Variants in LAMA2 observed in about 807,000 individuals in gnomAD.
LAMA2 encodes the protein laminin subunit alpha 2, also known as laminin subunit alpha-2.
In LAMA2, 269 loss-of-function variants were observed where a neutral mutation model predicts 364.8. The ratio of observed to expected loss-of-function variants is 0.74; its 90% CI spans 0.67 to 0.82. The LOEUF (loss-of-function observed/expected upper bound fraction) is 0.82. Among genes scored for constraint, LAMA2 ranks in the 40% least tolerant of loss-of-function variants. LAMA2 has a pLI of 0.00. For synonymous variants in LAMA2, 1,379 were observed against 1,370.6 expected (o/e 1.01, Z -0.14); for missense variants, 3,807 against 3,873.2 (o/e 0.98, Z 0.45).
chr6:129,413,064 C>T (rs1256588654), intron 40 of LAMA2, among the ~76,000 whole-genome samples: 2 of 152,160 alleles, frequency 1.3e-5, no homozygotes, highest in African/African-American at 2.4e-5. Flanking sequence ...ATGACTTACA[C>T]AAATACTGCA....
rs1386899012 is a variant in LAMA2, at chr6:129,157,684, G to A, written c.1206+3001G>A. 7 of 1,611,782 alleles carry A rather than the reference G, an allele frequency of 4.3e-6. No homozygotes were observed. In the South Asian group the frequency reaches 4.4e-5, roughly 10 times the overall value. On this transcript the variant is annotated intron_variant, in intron 8 of 64. Coordinates refer to ENST00000421865, the MANE Select transcript of LAMA2 (RefSeq NM_000426.4). ...TTCCACCGATTAGACACAATTGGCC[G>A]CAAACGTTTGACACACACAACCTCA...
At chr6:129,023,349 C>T (rs1001556255) in intron 1 of LAMA2, among the ~76,000 whole-genome samples, 9 of 152,130 alleles carry the variant, frequency 5.9e-5, no homozygotes, top group Non-Finnish European at 2.9e-5. Flanking sequence ...TGTAGGTAAC[C>T]TTTATAGATT....
intron 1 of LAMA2, among the ~76,000 whole-genome samples, chr6:128,901,163 A>G (rs1777060913): frequency 6.6e-6 from 1 of 152,192 alleles, no homozygotes; most frequent in Non-Finnish European, 1.5e-5. Context: ...TCTAGGAACA[A>G]TAAAAAATTC....
chr6:129,096,905 T>G (rs1011069810), intron 3 of LAMA2, among the ~76,000 whole-genome samples: 9 of 152,184 alleles, frequency 5.9e-5, no homozygotes, highest in Non-Finnish European at 2.9e-5. Context: ...CCATACCAAA[T>G]TTTTATATTT....
chr6:129,474,992 G>A (rs1331719885), intron 52 of LAMA2, among the ~76,000 whole-genome samples: 1 of 152,114 alleles, frequency 6.6e-6, no homozygotes, highest in African/African-American at 2.4e-5. Flanking sequence ...AAAAGATGTG[G>A]TAAACATAAA....
intron 32 of LAMA2, among the ~76,000 whole-genome samples, chr6:129,358,357 AG>A (rs1777272926): frequency 6.6e-6 from 1 of 152,028 alleles, no homozygotes; most frequent in African/African-American, 2.4e-5. Flanking sequence ...ATTATCGTAT[AG>A]AGACAGCTGA....
chr6:128,933,758 T>A (rs1779639473), intron 1 of LAMA2, among the ~76,000 whole-genome samples: 1 of 152,194 alleles, frequency 6.6e-6, no homozygotes, highest in African/African-American at 2.4e-5. Context: ...TATGTTTAGG[T>A]CCTTTGTCCA....
intron 14 of LAMA2, among the ~76,000 whole-genome samples, chr6:129,255,178 C>T (rs1327346932): frequency 6.6e-6 from 1 of 151,786 alleles, no homozygotes; most frequent in Non-Finnish European, 1.5e-5. Flanking sequence ...GAGGCTGAGG[C>T]AGGCAGATCA....
intron 63 of LAMA2, among the ~76,000 whole-genome samples, chr6:129,512,757 C>A (rs1786704106): frequency 6.6e-6 from 1 of 152,158 alleles, no homozygotes; most frequent in Non-Finnish European, 1.5e-5. Context: ...AGTTTGAGAT[C>A]TCGAGTTCTT....
chr6:129,383,080 T>C, intron 34 of LAMA2, 42 bp from the exon 35 acceptor site: 1 of 1,509,744 alleles, frequency 6.6e-7, no homozygotes, highest in South Asian at 1.1e-5. Flanking sequence ...TGTAGCTTCA[T>C]CATCTCTATT....
intron 1 of LAMA2, among the ~76,000 whole-genome samples, chr6:128,950,338 G>A (rs905435438): frequency 6.6e-6 from 1 of 152,118 alleles, no homozygotes; most frequent in Non-Finnish European, 1.5e-5. Flanking sequence ...TTCAAGAAAA[G>A]TGAGTAGTCT....
At chr6:129,178,265 C>A (rs1780731440) in intron 10 of LAMA2, among the ~76,000 whole-genome samples, 1 of 152,078 alleles carries the variant, frequency 6.6e-6, no homozygotes, top group South Asian at 2.1e-4. Flanking sequence ...AAATAATCTT[C>A]TAAAGTTTGA....
intron 18 of LAMA2, among the ~76,000 whole-genome samples, chr6:129,282,015 A>G (rs1285745496): frequency 6.6e-6 from 1 of 152,192 alleles, no homozygotes; most frequent in Admixed American, 6.6e-5. Flanking sequence ...AGGAGGAGAT[A>G]CTGGTTGCAT....
chr6:129,133,517 G>A (rs1777608684), intron 4 of LAMA2, among the ~76,000 whole-genome samples: 1 of 152,150 alleles, frequency 6.6e-6, no homozygotes, highest in Non-Finnish European at 1.5e-5. Context: ...GGTGAGAATA[G>A]GGAGTTGGTA....
intron 49 of LAMA2, among the ~76,000 whole-genome samples, chr6:129,462,716 A>G (rs1392003090): frequency 6.6e-6 from 1 of 151,894 alleles, no homozygotes; most frequent in Non-Finnish European, 1.5e-5. Flanking sequence ...GTTATTTGTA[A>G]GAATAATTTT....
chr6:129,478,644 C>CCAT (rs1395339456), intron 53 of LAMA2, 49 bp from the exon 54 acceptor site: 23 of 1,602,440 alleles, frequency 1.4e-5, no homozygotes. Context: ...GACTACACTA[C>CCAT]CATCACCCTA....
At chr6:129,313,130 C>G (rs1192004581) in intron 23 of LAMA2, 33 bp downstream of exon 23, 1 of 1,347,252 alleles carries the variant, frequency 7.4e-7, no homozygotes, top group Non-Finnish European at 1.0e-6. Flanking sequence ...TAGGGAAAAC[C>G]TCCCTCAATT....
intron 29 of LAMA2, among the ~76,000 whole-genome samples, chr6:129,332,882 CATT>C (rs1775736507): frequency 1.0e-5 from 1 of 98,870 alleles, no homozygotes; most frequent in African/African-American, 3.6e-5. Context: ...TTAAGTTTAC[CATT>C]TTTTTTTTTT....
rs142592395 is a variant in LAMA2, at chr6:129,312,361, C to G, written c.3175-500C>G. Among the ~76,000 whole-genome samples the G allele has an allele frequency of 3.2e-4, 48 of 152,290 alleles. No homozygotes were observed. In the East Asian group the frequency reaches 9.1e-3, roughly 29 times the overall value. On this transcript the variant is annotated intron_variant, in intron 22 of 64. Transcript: ENST00000421865. The stretch of plus-strand genomic sequence containing the variant: ...TCTCCTTGGATTCCCCAAGTCTAGT[C>G]TGATGCCCTTTGTATGTTCACATAG...
Sources: allele counts gnomAD v4.1 joint callset (sites outside exome capture counted in the v4.1 genomes callset), GRCh38; gene constraint gnomAD v4.1.1; transcripts MANE v1.5; gene names NCBI Gene and HGNC (gene_info 2026-07-23, HGNC 2026-07-21).